The following STXBP5L variants were observed in gnomAD, a reference collection of about 807,000 sequenced individuals.
STXBP5L encodes the protein syntaxin-binding protein 5-like.
In STXBP5L, 65 loss-of-function variants were observed where a neutral mutation model predicts 144.5. The ratio of observed to expected loss-of-function variants is 0.45; its 90% CI spans 0.37 to 0.55. The LOEUF is 0.55. Among genes scored for constraint, STXBP5L ranks in the 20% least tolerant of loss-of-function variants. The pLI is 0.00. For missense variants in STXBP5L, 1,298 were observed against 1,405.5 expected (o/e 0.92, Z 1.22); for synonymous variants, 505 against 469.6 (o/e 1.08, Z -0.97).
At chr3:121,010,753 A>T (rs547979613) in intron 3 of STXBP5L, among the ~76,000 whole-genome samples, 2 of 152,072 alleles carry the variant, frequency 1.3e-5, no homozygotes, top group Non-Finnish European at 2.9e-5. Context: ...AGCTAGAGAA[A>T]GGAAAATATT....
At chr3:120,997,144 AT>A (rs368718309) in intron 3 of STXBP5L, among the ~76,000 whole-genome samples, 2,937 of 152,090 alleles carry the variant, frequency 0.019, 89 homozygotes, top group African/African-American at 0.066. Flanking sequence ...TGGCTGCATA[AT>A]TTTCCATGGT....
intron 5 of STXBP5L, among the ~76,000 whole-genome samples, chr3:121,076,703 A>G (rs1405430526): frequency 6.6e-6 from 1 of 152,086 alleles, no homozygotes. Context: ...TATCTCACAA[A>G]GGGTTCTCAG....
chr3:121,157,183 A>C (rs2046145590), intron 8 of STXBP5L, among the ~76,000 whole-genome samples: 1 of 152,132 alleles, frequency 6.6e-6, no homozygotes, highest in African/African-American at 2.4e-5. Flanking sequence ...CTGTTTCACC[A>C]TGTGTAAATT....
chr3:121,325,491 A>G (rs527988425), intron 20 of STXBP5L, among the ~76,000 whole-genome samples: 4 of 152,198 alleles, frequency 2.6e-5, no homozygotes, highest in Non-Finnish European at 5.9e-5. Flanking sequence ...ATTACAAAAA[A>G]TAATCACAAT....
intron 3 of STXBP5L, among the ~76,000 whole-genome samples, chr3:120,967,968 T>C (rs952233666): frequency 2.0e-5 from 3 of 152,224 alleles, no homozygotes; most frequent in Admixed American, 6.5e-5. Context: ...AGAAAAGTTA[T>C]TTAATAGTTT....
chr3:121,334,842 C>G (rs1354075176), intron 20 of STXBP5L, among the ~76,000 whole-genome samples: 1 of 152,094 alleles, frequency 6.6e-6, no homozygotes, highest in East Asian at 1.9e-4. Context: ...ATGACAAACC[C>G]ACAGCCAACA....
intron 10 of STXBP5L, among the ~76,000 whole-genome samples, chr3:121,215,667 A>G (rs2048750897): frequency 6.6e-6 from 1 of 151,958 alleles, no homozygotes; most frequent in Non-Finnish European, 1.5e-5. Flanking sequence ...AGTGAATCTG[A>G]CGATTATGTG....
intron 5 of STXBP5L, among the ~76,000 whole-genome samples, chr3:121,068,135 A>G (rs926074478): frequency 2.4e-4 from 37 of 152,304 alleles, no homozygotes; most frequent in Admixed American, 1.0e-3. Context: ...TCGGCCTCCC[A>G]AGTAGCTGGG....
intron 5 of STXBP5L, chr3:121,099,498 T>G (rs928489091): frequency 1.3e-5 from 2 of 152,378 alleles, no homozygotes; most frequent in African/African-American, 2.4e-5. Context: ...TGAACACTTA[T>G]GCCCAAGAAT....
At chr3:120,964,476 T>G (rs929135775) in intron 3 of STXBP5L, among the ~76,000 whole-genome samples, 21 of 152,356 alleles carry the variant, frequency 1.4e-4, no homozygotes, top group African/African-American at 4.6e-4. Flanking sequence ...GTTGTGTCTT[T>G]GTTCTCATTG....
intron 5 of STXBP5L, among the ~76,000 whole-genome samples, chr3:121,062,849 G>A (rs1560078482): frequency 1.3e-5 from 2 of 152,056 alleles, no homozygotes; most frequent in East Asian, 3.9e-4. Flanking sequence ...GTGTTTTTCA[G>A]CTCCATCAGG....
intron 5 of STXBP5L, among the ~76,000 whole-genome samples, chr3:121,069,359 T>C (rs2041699930): frequency 6.6e-6 from 1 of 152,206 alleles, no homozygotes. Flanking sequence ...TATTTTACAG[T>C]ATTAGTGACT....
At position 121,422,006 on chromosome 3, in the gene STXBP5L, T is replaced by C. The variant is rs1483396494; in HGVS notation, c.*2909T>C. 2.0e-5 allele frequency: 3 copies of C among 152,150 alleles called. No homozygotes were observed. Among genetic ancestry groups the C allele is most frequent in the African/African-American group, 7.2e-5 (3 of 41,430 alleles). 9.4% of individuals were successfully genotyped at this position (152,150 alleles called of 1,614,324 possible). A position where few individuals can be genotyped will look rare whatever the true frequency, so the allele number is the denominator to read the frequency against. ...TTTTACTGTATCAAAATTATTTTTA[T>C]AATTCAAAGAGATGATAGCAATAAG... On this transcript the variant is annotated 3_prime_UTR_variant, in exon 27 of 27. Coordinates refer to ENST00000471454, the MANE Select transcript of STXBP5L (RefSeq NM_001308330.2).
Position 121,114,944 on chromosome 3 carries a change from C to A in STXBP5L, c.490C>A (p.Pro164Thr). 1 of 1,563,436 alleles carries A rather than the reference C, an allele frequency of 6.4e-7. No individual in the cohort carries two copies. Among genetic ancestry groups the A allele is most frequent in the Non-Finnish European group, 8.6e-7 (1 of 1,157,764 alleles). The stretch of plus-strand genomic sequence containing the variant: ...TTTCAGAATTACTTACTGTCATCTA[C>A]CTTTCCAGAGTAAATGGCTTTATGT... The part of the protein sequence containing the change: ...NRERITYCHL[P>T]FQSKWLYVGT... Residue 164 changes from proline to threonine, a missense_variant, in exon 6 of 27, where the codon CCT (proline) becomes ACT (threonine). Pro to Thr is a conservative substitution (Grantham distance 38). Transcript: ENST00000471454.
intron 2 of STXBP5L, among the ~76,000 whole-genome samples, chr3:120,921,973 T>C (rs1001655476): frequency 6.6e-6 from 1 of 152,034 alleles, no homozygotes; most frequent in East Asian, 1.9e-4. Context: ...ATATAAATTT[T>C]AGGATTTTTT....
intron 10 of STXBP5L, among the ~76,000 whole-genome samples, chr3:121,209,174 A>G (rs1404026274): frequency 6.6e-6 from 1 of 152,124 alleles, no homozygotes; most frequent in Non-Finnish European, 1.5e-5. Flanking sequence ...TCTATCATTG[A>G]TGGGCATTTG....
chr3:121,330,843 C>T (rs759824412), intron 20 of STXBP5L, among the ~76,000 whole-genome samples: 21 of 152,214 alleles, frequency 1.4e-4, no homozygotes, highest in Admixed American at 3.9e-4. Flanking sequence ...ACTACTACAG[C>T]TGGCATTTGA....
chr3:121,005,912 A>G (rs4048837), intron 3 of STXBP5L, among the ~76,000 whole-genome samples: 2 of 151,902 alleles, frequency 1.3e-5, no homozygotes, highest in African/African-American at 4.8e-5. Flanking sequence ...CTGTGGTCTG[A>G]GAGACAGTTT....
chr3:121,066,418 T>C (rs528089932), intron 5 of STXBP5L, among the ~76,000 whole-genome samples: 1 of 151,266 alleles, frequency 6.6e-6, no homozygotes, highest in East Asian at 1.9e-4. Context: ...AAATCATGAA[T>C]GGGTGTTGAA....
Sources: allele counts gnomAD v4.1 joint callset (sites outside exome capture counted in the v4.1 genomes callset), GRCh38; gene constraint gnomAD v4.1.1; transcripts MANE v1.5; gene names NCBI Gene and HGNC (gene_info 2026-07-23, HGNC 2026-07-21).